The following FGF14 variants were observed in gnomAD, a reference collection of about 807,000 sequenced individuals.
FGF14 encodes fibroblast growth factor homologous factor 4.
Under a neutral mutation model 25.5 loss-of-function variants are expected in FGF14, and 5 were observed. That is an observed-to-expected ratio of 0.20 (90% confidence interval 0.10 to 0.41). The LOEUF (loss-of-function observed/expected upper bound fraction) is 0.41. FGF14 is among the 10% of genes least tolerant of loss of function. The pLI is 1.00. For missense variants in FGF14, 222 were observed against 320.1 expected (o/e 0.69, Z 2.34); for synonymous variants, 138 against 118.3 (o/e 1.17, Z -1.08).
intron 1 of FGF14, among the ~76,000 whole-genome samples, chr13:102,249,030 T>C (rs1445655699): frequency 3.3e-5 from 5 of 152,108 alleles, no homozygotes; most frequent in African/African-American, 9.7e-5. Context: ...GAGTTTGAGA[T>C]ACATGGGTTC....
intron 3 of FGF14, among the ~76,000 whole-genome samples, chr13:101,813,789 T>C (rs1419896519): frequency 1.3e-5 from 2 of 152,242 alleles, no homozygotes; most frequent in Non-Finnish European, 2.9e-5. Flanking sequence ...TGGAAGTTAA[T>C]GTAGGTAAAC....
chr13:101,752,229 A>C (rs74122657), intron 3 of FGF14, among the ~76,000 whole-genome samples: 5,308 of 152,254 alleles, frequency 0.035, 105 homozygotes, highest in Admixed American at 0.042. Context: ...CATTAAAGAG[A>C]AAAATAGAAA....
chr13:102,308,711 A>G (rs547320283), intron 1 of FGF14, among the ~76,000 whole-genome samples: 8 of 152,236 alleles, frequency 5.3e-5, no homozygotes, highest in Admixed American at 1.3e-4. Flanking sequence ...AATATATCAA[A>G]TATCTTCTGA....
chr13:101,823,825 T>C (rs1007600337), intron 3 of FGF14, among the ~76,000 whole-genome samples: 8 of 149,556 alleles, frequency 5.3e-5, no homozygotes, highest in African/African-American at 2.0e-4. Flanking sequence ...ATATATCTTT[T>C]ATATATATAA....
rs2044279049 is a variant in FGF14, at chr13:101,859,138, T to C, written c.408+9587A>G. On this transcript the variant is annotated intron_variant, in intron 3 of 4. Coordinates refer to ENST00000376143, the MANE Select transcript of FGF14 (RefSeq NM_004115.4). ...TTCAGCGGGGAAAAAAGACAAGTGA[T>C]GTGCACAGTACATTTCATGAACATG... Among the ~76,000 whole-genome samples the C allele has an allele frequency of 2.0e-5, 3 of 152,268 alleles. 1 individual carries two copies. Among genetic ancestry groups the C allele is most frequent in the South Asian group, 4.1e-4 (2 of 4,832 alleles).
intron 1 of FGF14, among the ~76,000 whole-genome samples, chr13:102,011,740 GA>G (rs1431273643): frequency 1.3e-5 from 2 of 152,186 alleles, no homozygotes; most frequent in Admixed American, 6.5e-5. Flanking sequence ...TGCGACCACA[GA>G]AGTGCAAAGT....
chr13:102,196,807 T>C (rs1014480869), intron 1 of FGF14, among the ~76,000 whole-genome samples: 1 of 152,292 alleles, frequency 6.6e-6, no homozygotes, highest in African/African-American at 2.4e-5. Flanking sequence ...CCAGAAACTT[T>C]GTACCGTTTG....
At position 101,713,158 on chromosome 13, in the gene FGF14, G is replaced by T. The variant is rs2034555014; in HGVS notation, c.*9673C>A. On this transcript the variant is annotated 3_prime_UTR_variant, in exon 5 of 5. Coordinates refer to ENST00000376143, the MANE Select transcript of FGF14 (RefSeq NM_004115.4). Reference sequence around the variant, plus strand: ...TTTAATTTGGACTTTGGGGATTTTTGCAGCTGAAATGCATATACCAGTTTC... The same window carrying T: ...TTTAATTTGGACTTTGGGGATTTTTTCAGCTGAAATGCATATACCAGTTTC... 1 of 152,130 alleles carries T rather than the reference G, an allele frequency of 6.6e-6. No homozygotes were observed. The highest frequency in any genetic ancestry group is 2.4e-5 in the African/African-American group (1 of 41,436). The allele number at this position is 152,130 out of a possible 1,614,324, so 9.4% of individuals were successfully genotyped here. A position where few individuals can be genotyped will look rare whatever the true frequency, so the allele number is the denominator to read the frequency against.
In FGF14 at chr13:101,721,065, G is replaced by A. The variant is rs950774008; in HGVS notation, c.*1766C>T. The A allele has an allele frequency of 6.6e-6, 1 of 152,048 alleles. No homozygotes were observed. Among genetic ancestry groups the A allele is most frequent in the Non-Finnish European group, 1.5e-5 (1 of 67,982 alleles). 9.4% of individuals were successfully genotyped at this position (152,048 alleles called of 1,614,324 possible). A position where few individuals can be genotyped will look rare whatever the true frequency, so the allele number is the denominator to read the frequency against. On this transcript the variant is annotated 3_prime_UTR_variant, in exon 5 of 5. Transcript: ENST00000376143. Reference sequence around the variant, plus strand: ...TGCAGATGGGGAAAATGATGACTGGGTCATCCTCCCACATAGAAAGAATAA... The same window carrying A: ...TGCAGATGGGGAAAATGATGACTGGATCATCCTCCCACATAGAAAGAATAA...
rs190625289 is a variant in FGF14, at chr13:102,125,524, T to C, written c.209-250228A>G. Among the ~76,000 whole-genome samples, 8 of 152,274 alleles carry C rather than the reference T, an allele frequency of 5.3e-5. No homozygotes were observed. The East Asian group carries it at 1.5e-3, about 29-fold the overall frequency. ...ATTAACATAGAAAGAAAATGCTGGT[T>C]CATGATAACTATTGCTGTATGTGTG... On this transcript the variant is annotated intron_variant, in intron 1 of 4. Coordinates refer to the FGF14 transcript ENST00000376131.
chr13:101,853,549 C>A (rs1000833884), intron 3 of FGF14, among the ~76,000 whole-genome samples: 5 of 151,960 alleles, frequency 3.3e-5, no homozygotes, highest in African/African-American at 9.7e-5. Context: ...AAGTGCTGTG[C>A]TCCTATGATC....
chr13:102,388,106 C>A (rs1299154745), intron 1 of FGF14, among the ~76,000 whole-genome samples: 1 of 152,082 alleles, frequency 6.6e-6, no homozygotes, highest in Non-Finnish European at 1.5e-5. Flanking sequence ...GTCTGTTGTT[C>A]CCTTCTTTGT....
chr13:102,191,346 A>G (rs1653725247), intron 1 of FGF14, among the ~76,000 whole-genome samples: 1 of 152,224 alleles, frequency 6.6e-6, no homozygotes, highest in Admixed American at 6.5e-5. Flanking sequence ...TTTGAACAAC[A>G]TAAATTTATT....
chr13:101,859,604 G>C (rs971329952), intron 3 of FGF14, among the ~76,000 whole-genome samples: 2 of 152,058 alleles, frequency 1.3e-5, no homozygotes, highest in Non-Finnish European at 2.9e-5. Context: ...TGAGTTGAAT[G>C]GTTTTCCACA....
At chr13:101,852,361 T>C (rs1451188743) in intron 3 of FGF14, among the ~76,000 whole-genome samples, 3 of 152,096 alleles carry the variant, frequency 2.0e-5, no homozygotes, top group South Asian at 2.1e-4. Context: ...TTTCTAATGG[T>C]AGAATTTTCA....
chr13:101,942,983 C>T (rs774438137), intron 1 of FGF14, among the ~76,000 whole-genome samples: 6 of 152,178 alleles, frequency 3.9e-5, no homozygotes, highest in Admixed American at 1.3e-4. Context: ...AAATAGAACC[C>T]CTCTTAATCC....
intron 3 of FGF14, among the ~76,000 whole-genome samples, chr13:101,860,763 G>C (rs142420822): frequency 4.6e-5 from 7 of 151,932 alleles, no homozygotes; most frequent in Admixed American, 2.6e-4. Context: ...GATTCTTGAG[G>C]CATGTTGAAA....
At chr13:101,839,287 C>T (rs2043085461) in intron 3 of FGF14, among the ~76,000 whole-genome samples, 1 of 151,812 alleles carries the variant, frequency 6.6e-6, no homozygotes, top group African/African-American at 2.4e-5. Flanking sequence ...CAATCATGGC[C>T]CATGTGAAGT....
At chr13:101,768,647 G>A (rs1331100822) in intron 3 of FGF14, among the ~76,000 whole-genome samples, 6 of 152,180 alleles carry the variant, frequency 3.9e-5, no homozygotes, top group African/African-American at 2.4e-5. Context: ...ACAGGAAAGA[G>A]CAAAGAAATA....
Sources: gnomAD v4.1 joint callset for allele counts (sites outside exome capture counted in the v4.1 genomes callset) on GRCh38, gnomAD v4.1.1 for gene constraint, MANE v1.5 for transcripts, NCBI Gene and HGNC (gene_info 2026-07-23, HGNC 2026-07-21) for gene names.